Variants in RPTOR observed in about 807,000 individuals in gnomAD.
RPTOR encodes regulatory associated protein of MTOR complex 1, also known as regulatory-associated protein of mTOR.
A neutral mutation model predicts 169.9 loss-of-function variants in RPTOR; 21 were observed. That is an observed-to-expected ratio of 0.12 (90% CI 0.09 to 0.18). The LOEUF is 0.18. Ranked by LOEUF, RPTOR falls within the 10% of genes least tolerant of loss-of-function variation. RPTOR has a pLI of 1.00. For synonymous variants in RPTOR, 732 were observed against 753.2 expected (o/e 0.97, Z 0.46); for missense variants, 1,133 against 1,855.9 (o/e 0.61, Z 7.16).
intron 1 of RPTOR, among the ~76,000 whole-genome samples, chr17:80,572,121 T>C (rs1475218882): frequency 7.9e-5 from 12 of 152,166 alleles, no homozygotes; most frequent in Non-Finnish European, 1.5e-5. Context: ...TTTTAGAGAC[T>C]GCGTCTCACT....
At chr17:80,629,501 A>C (rs77779392) in intron 2 of RPTOR, among the ~76,000 whole-genome samples, 7 of 34,904 alleles carry the variant, frequency 2.0e-4, no homozygotes, top group Non-Finnish European at 4.6e-4. Context: ...TTGTACCACA[A>C]CTCTTCTGTG....
chr17:80,558,746 A>G (rs2084441977), intron 1 of RPTOR, among the ~76,000 whole-genome samples: 1 of 152,042 alleles, frequency 6.6e-6, no homozygotes, highest in Admixed American at 6.6e-5. Flanking sequence ...TGTATCATGG[A>G]TATGTGCTCC....
intron 5 of RPTOR, among the ~76,000 whole-genome samples, chr17:80,737,257 GC>G (rs1484885553): frequency 6.6e-6 from 1 of 152,228 alleles, no homozygotes; most frequent in African/African-American, 2.4e-5. Context: ...TGGCTAGAGG[GC>G]CTTGCTCGAT....
chr17:80,933,299 C>T (rs2068919809), intron 24 of RPTOR, among the ~76,000 whole-genome samples: 1 of 152,178 alleles, frequency 6.6e-6, no homozygotes, highest in African/African-American at 2.4e-5. Flanking sequence ...CCCACAAGCT[C>T]AATATCCAGT....
chr17:80,569,945 T>C (rs1232583595), intron 1 of RPTOR, among the ~76,000 whole-genome samples: 1 of 152,142 alleles, frequency 6.6e-6, no homozygotes, highest in Non-Finnish European at 1.5e-5. Flanking sequence ...TGGCTGCTCT[T>C]TGCCTGGCCT....
chr17:80,856,022 C>T (rs2067848758), intron 12 of RPTOR, among the ~76,000 whole-genome samples: 1 of 152,122 alleles, frequency 6.6e-6, no homozygotes, highest in South Asian at 2.1e-4. Flanking sequence ...GTAATGGCCA[C>T]TAAAAACACC....
chr17:80,729,390 T>C (rs142082336), intron 4 of RPTOR, among the ~76,000 whole-genome samples: 2 of 152,348 alleles, frequency 1.3e-5, no homozygotes, highest in Non-Finnish European at 2.9e-5. Context: ...ATAATGAACG[T>C]GTTCTGTGGA....
At chr17:80,854,480 T>G (rs925988583) in intron 11 of RPTOR, among the ~76,000 whole-genome samples, 1 of 152,216 alleles carries the variant, frequency 6.6e-6, no homozygotes, top group Non-Finnish European at 1.5e-5. Flanking sequence ...GGTCATTTGG[T>G]AACTTAAGTA....
chr17:80,881,784 T>C (rs1333835761), intron 14 of RPTOR, among the ~76,000 whole-genome samples: 1 of 152,226 alleles, frequency 6.6e-6, no homozygotes, highest in East Asian at 1.9e-4. Flanking sequence ...ACTGTACAAC[T>C]GCACTCCAGC....
intron 21 of RPTOR, among the ~76,000 whole-genome samples, chr17:80,912,029 G>A (rs1228593526): frequency 6.6e-6 from 1 of 152,204 alleles, no homozygotes; most frequent in Non-Finnish European, 1.5e-5. Context: ...ACGGATTAGG[G>A]AAAATCAGTT....
At chr17:80,694,513 C>T (rs60469059) in intron 3 of RPTOR, among the ~76,000 whole-genome samples, 40,478 of 152,136 alleles carry the variant, frequency 0.27, 7,439 homozygotes, top group African/African-American at 0.53. Context: ...CCTCCTTTCC[C>T]GTGAATGTGT....
chr17:80,961,612 G>C, intron 31 of RPTOR, 132 bp downstream of exon 31: 1 of 1,028,258 alleles, frequency 9.7e-7, no homozygotes, highest in Non-Finnish European at 1.4e-6. Flanking sequence ...TCCTGCCCTG[G>C]AACTGGCCAG....
At chr17:80,664,257 A>G (rs2065746560) in intron 3 of RPTOR, among the ~76,000 whole-genome samples, 2 of 152,164 alleles carry the variant, frequency 1.3e-5, no homozygotes, top group Non-Finnish European at 2.9e-5. Flanking sequence ...TTAATGATTA[A>G]AAATACGATT....
At chr17:80,600,944 A>G (rs1419954951) in intron 1 of RPTOR, among the ~76,000 whole-genome samples, 6 of 150,470 alleles carry the variant, frequency 4.0e-5, no homozygotes, top group Admixed American at 4.0e-4. Flanking sequence ...CCCTCTCTGC[A>G]GTGTAACTGT....
intron 28 of RPTOR, among the ~76,000 whole-genome samples, chr17:80,955,797 A>G (rs2069241197): frequency 6.6e-6 from 1 of 152,068 alleles, no homozygotes; most frequent in Non-Finnish European, 1.5e-5. Context: ...CCCTGGGGAG[A>G]TCAGAGTCAT....
chr17:80,621,093 A>G (rs987257622), intron 1 of RPTOR, among the ~76,000 whole-genome samples: 6 of 152,212 alleles, frequency 3.9e-5, no homozygotes, highest in Non-Finnish European at 5.9e-5. Context: ...ACTTTCACAC[A>G]TTCCAGCTGA....
At chr17:80,682,468 G>A (rs77382293) in intron 3 of RPTOR, among the ~76,000 whole-genome samples, 3,764 of 152,234 alleles carry the variant, frequency 0.025, 166 homozygotes, top group African/African-American at 0.087. Context: ...ATGTAATCAC[G>A]GGTGTCCTTA....
chr17:80,802,683 T>G (rs2067173633), intron 7 of RPTOR: 1 of 152,144 alleles, frequency 6.6e-6, no homozygotes, highest in Non-Finnish European at 1.5e-5. Flanking sequence ...GAGCACAGCT[T>G]GATTGGAGGG....
intron 6 of RPTOR, among the ~76,000 whole-genome samples, chr17:80,757,818 G>A (rs1035782954): frequency 6.6e-6 from 1 of 151,848 alleles, no homozygotes; most frequent in Middle Eastern, 3.2e-3. Flanking sequence ...CCTTTCCCAC[G>A]GCCTCCTATG....
Sources: gnomAD v4.1 joint callset for allele counts (sites outside exome capture counted in the v4.1 genomes callset) on GRCh38, gnomAD v4.1.1 for gene constraint, MANE v1.5 for transcripts, NCBI Gene and HGNC (gene_info 2026-07-23, HGNC 2026-07-21) for gene names.